The following SLC4A5 variants were observed in gnomAD, a reference collection of about 807,000 sequenced individuals.
SLC4A5 encodes electrogenic sodium bicarbonate cotransporter 4.
Under a neutral mutation model 120.4 loss-of-function variants are expected in SLC4A5, and 96 were observed. That is an observed-to-expected ratio of 0.80 (90% CI 0.68 to 0.94). The LOEUF (loss-of-function observed/expected upper bound fraction) is 0.94, where lower values mean the gene tolerates loss of function less well. SLC4A5 is among the 40% of genes least tolerant of loss of function. SLC4A5 has a pLI of 0.00. For missense variants in SLC4A5, 1,259 were observed against 1,459.5 expected, an observed-to-expected ratio of 0.86 and a Z score of 2.24; for synonymous variants, 550 against 571.1, an observed-to-expected ratio of 0.96 and a Z score of 0.53.
intron 2 of SLC4A5, among the ~76,000 whole-genome samples, chr2:74,340,757 G>C (rs1337669022): frequency 6.6e-6 from 1 of 152,126 alleles, no homozygotes; most frequent in Non-Finnish European, 1.5e-5. Context: ...CGGGGTTGAG[G>C]ACCCTGGTTA....
chr2:74,230,861 C>T (rs769729833), intron 25 of SLC4A5, among the ~76,000 whole-genome samples: 34 of 152,100 alleles, frequency 2.2e-4, no homozygotes, highest in Non-Finnish European at 3.7e-4. Flanking sequence ...GGCTGGAGTG[C>T]AGTGGTGCGA....
intron 4 of SLC4A5, among the ~76,000 whole-genome samples, chr2:74,329,626 T>A (rs1673301335): frequency 6.6e-6 from 1 of 150,994 alleles, no homozygotes; most frequent in Admixed American, 6.6e-5. Flanking sequence ...CATGGTGAGG[T>A]GTAGATGGAG....
chr2:74,224,917 G>A (rs1334560965), exon 28 of SLC4A5: 2 of 1,613,896 alleles, frequency 1.2e-6, no homozygotes, highest in Non-Finnish European at 1.7e-6. Flanking sequence ...TTCTCTGGGA[G>A]GATGTTGTCA....
intron 3 of SLC4A5, among the ~76,000 whole-genome samples, chr2:74,334,907 A>C (rs987590581): frequency 2.6e-5 from 4 of 152,156 alleles, no homozygotes; most frequent in African/African-American, 9.7e-5. Flanking sequence ...GAAGAAGCTC[A>C]CATGTGTATC....
exon 6 of SLC4A5, chr2:74,315,001 G>A (rs1558910737): frequency 8.1e-6 from 13 of 1,613,772 alleles, no homozygotes; most frequent in Non-Finnish European, 1.0e-5. Flanking sequence ...TCCTACCCCA[G>A]CCTTCTCCTC....
chr2:74,221,440 T>G, exon 30 of SLC4A5: 1 of 1,612,382 alleles, frequency 6.2e-7, no homozygotes, highest in Non-Finnish European at 8.5e-7. Context: ...TTACCTTCGG[T>G]CAAGTTCTGT....
intron 6 of SLC4A5, chr2:74,306,824 G>A: frequency 1.5e-6 from 1 of 661,120 alleles, no homozygotes; most frequent in Non-Finnish European, 2.7e-6. Flanking sequence ...TGGAGTTGCT[G>A]CTGTCCAGGG....
intron 8 of SLC4A5, 36 bp from the exon 9 acceptor site, chr2:74,265,300 G>T: frequency 6.2e-7 from 1 of 1,601,454 alleles, no homozygotes; most frequent in Non-Finnish European, 8.5e-7. Flanking sequence ...TGTGGCCAGG[G>T]CCCTCAGGAG....
rs1238323586 is a variant in SLC4A5, at chr2:74,255,520, C to A, written c.1025+255G>T. ...TTGTTGGCCAGGCTGGTCTCGAACTCCTGACCTCATGATCTGCCCACCTTG... is the reference window on the plus strand; with the variant it reads ...TTGTTGGCCAGGCTGGTCTCGAACTACTGACCTCATGATCTGCCCACCTTG... On this transcript the variant is annotated intron_variant, in intron 13 of 30. Transcript: ENST00000394019. The surrounding 1 kb of genome is among the most constrained non-coding windows in gnomAD (Gnocchi z 4.0). 3.9e-5 allele frequency among the ~76,000 whole-genome samples: 6 copies of A among 152,256 alleles called. No homozygotes were observed. The East Asian group carries it at 7.7e-4, about 20-fold the overall frequency.
At chr2:74,219,813 T>C (rs966945431) in intron 30 of SLC4A5, among the ~76,000 whole-genome samples, 20 of 152,192 alleles carry the variant, frequency 1.3e-4, no homozygotes, top group African/African-American at 4.8e-4. Flanking sequence ...ATCACATATA[T>C]AGGAGCCTGA....
At chr2:74,248,540 A>G in intron 17 of SLC4A5, 54 bp from the exon 18 acceptor site, 1 of 1,602,440 alleles carries the variant, frequency 6.2e-7, no homozygotes, top group South Asian at 1.1e-5. Flanking sequence ...CGGTCTCTCC[A>G]CACAGGCTGC....
At chr2:74,247,430 G>A (rs1258047915) in intron 18 of SLC4A5, 123 bp from the exon 19 acceptor site, 11 of 1,014,798 alleles carry the variant, frequency 1.1e-5, no homozygotes, top group Non-Finnish European at 1.4e-5. Context: ...CCCAGGGACT[G>A]TGAAAGACTG....
chr2:74,247,854 G>A (rs1670664968), intron 18 of SLC4A5, among the ~76,000 whole-genome samples: 1 of 152,106 alleles, frequency 6.6e-6, no homozygotes, highest in African/African-American at 2.4e-5. Context: ...GAGGAGGCAG[G>A]AAGGTGCCAA....
exon 17 of SLC4A5, chr2:74,250,510 C>T (rs201823142): frequency 3.0e-5 from 48 of 1,614,002 alleles, no homozygotes; most frequent in Admixed American, 6.7e-5. Context: ...CACAGGCCAC[C>T]GAAGAACCTG....
chr2:74,228,319 G>A (rs761788193), intron 25 of SLC4A5, among the ~76,000 whole-genome samples: 8 of 152,128 alleles, frequency 5.3e-5, no homozygotes, highest in Non-Finnish European at 8.8e-5. Context: ...GCGAGTACCC[G>A]GGACACTTAA....
At chr2:74,303,910 C>T (rs1449962828) in intron 7 of SLC4A5, among the ~76,000 whole-genome samples, 2 of 149,136 alleles carry the variant, frequency 1.3e-5, no homozygotes, top group East Asian at 3.9e-4. Context: ...AGTGCAGTGG[C>T]GGGATCTCGG....
At chr2:74,274,550 T>C (rs1671580426) in intron 8 of SLC4A5, among the ~76,000 whole-genome samples, 1 of 152,108 alleles carries the variant, frequency 6.6e-6, no homozygotes. Context: ...AGCACACATA[T>C]GGAGAAGTTC....
chr2:74,298,501 T>C (rs1195267774), intron 7 of SLC4A5, among the ~76,000 whole-genome samples: 1 of 152,196 alleles, frequency 6.6e-6, no homozygotes, highest in African/African-American at 2.4e-5. Context: ...TTGTTTAACA[T>C]TGGTCTTGGC....
At chr2:74,257,196 G>C (rs1368933848) in intron 12 of SLC4A5, among the ~76,000 whole-genome samples, 1 of 152,078 alleles carries the variant, frequency 6.6e-6, no homozygotes, top group East Asian at 1.9e-4. Context: ...AGCACGAGGA[G>C]GGGCTCGTGA....
Sources: gnomAD v4.1 joint callset for allele counts (sites outside exome capture counted in the v4.1 genomes callset) on GRCh38, gnomAD v4.1.1 for gene constraint, Gnocchi (gnomAD v3.1) non-coding constraint, MANE v1.5 for transcripts, NCBI Gene and HGNC (gene_info 2026-07-23, HGNC 2026-07-21) for gene names.